Variants in ATRN observed in about 807,000 individuals in gnomAD.
ATRN encodes attractin-2.
Under a neutral mutation model 178.7 loss-of-function variants are expected in ATRN, and 54 were observed. The ratio of observed to expected loss-of-function variants is 0.30; its 90% CI spans 0.24 to 0.38. The LOEUF is 0.38. ATRN is among the 10% of genes least tolerant of loss of function. The probability of loss-of-function intolerance (pLI) is 1.00; values close to 1 mark genes in which losing one functional copy is unlikely to be tolerated. For synonymous variants in ATRN, 636 were observed against 663.0 expected (o/e 0.96, Z 0.63); for missense variants, 1,443 against 1,815.1 (o/e 0.79, Z 3.73).
chr20:3,623,924 T>C (rs1422355331), intron 24 of ATRN, among the ~76,000 whole-genome samples: 1 of 152,172 alleles, frequency 6.6e-6, no homozygotes, highest in Non-Finnish European at 1.5e-5. Flanking sequence ...TATTTTAGAG[T>C]TGATGAAATA....
rs748499185 is a variant in ATRN at position 3,584,079 on chromosome 20, C to G, written c.2946C>G (p.Cys982Trp). The G allele has an allele frequency of 6.2e-7, 1 of 1,613,402 alleles. No homozygotes were observed. The highest frequency in any genetic ancestry group is 8.5e-7 in the Non-Finnish European group (1 of 1,179,464). ...QCMEWYTMSTCPPENCSGYCT... is the reference protein window; with the variant it reads ...QCMEWYTMSTWPPENCSGYCT... The stretch of plus-strand genomic sequence containing the variant: ...TGGAATGGTATACGATGAGCACCTG[C>G]CCCCGTAAGTGAAAAAGGGAGCCCT... The change falls in exon 17 of 29, where the codon TGC becomes TGG. Residue 982 changes from cysteine (C) to tryptophan (W), a missense_variant. Cys to Trp is a radical substitution (Grantham distance 215). Coordinates refer to ENST00000262919, the MANE Select transcript of ATRN (RefSeq NM_139321.3).
intron 1 of ATRN, among the ~76,000 whole-genome samples, chr20:3,506,100 G>C (rs2085040208): frequency 6.6e-6 from 1 of 150,976 alleles, no homozygotes; most frequent in South Asian, 2.1e-4. Context: ...ACACAAATGA[G>C]TGCAAGTAAA....
intron 24 of ATRN, among the ~76,000 whole-genome samples, chr20:3,613,984 T>G (rs1009959388): frequency 3.9e-5 from 6 of 152,216 alleles, no homozygotes; most frequent in Non-Finnish European, 7.3e-5. Flanking sequence ...TCAAGTTCCT[T>G]CACTCTGAAC....
intron 21 of ATRN, among the ~76,000 whole-genome samples, chr20:3,597,568 T>G (rs945512097): frequency 2.0e-5 from 3 of 152,216 alleles, no homozygotes; most frequent in Non-Finnish European, 4.4e-5. Context: ...AGTACATCTT[T>G]TTGGTTAAAC....
At chr20:3,537,975 A>C (rs996662163) in intron 2 of ATRN, among the ~76,000 whole-genome samples, 14 of 130,258 alleles carry the variant, frequency 1.1e-4, no homozygotes, top group African/African-American at 3.8e-4. Flanking sequence ...TTTTTATTAT[A>C]CTTTAAGTTT....
At chr20:3,583,111 A>G (rs1380214174) in intron 16 of ATRN, among the ~76,000 whole-genome samples, 1 of 152,220 alleles carries the variant, frequency 6.6e-6, no homozygotes, top group Non-Finnish European at 1.5e-5. Context: ...GAGGTATAGG[A>G]GAGAATTCAT....
chr20:3,537,064 C>T (rs748455944), intron 2 of ATRN, among the ~76,000 whole-genome samples: 3 of 152,150 alleles, frequency 2.0e-5, no homozygotes, highest in Non-Finnish European at 4.4e-5. Context: ...AACAACAGGT[C>T]ATTGAATTAT....
intron 1 of ATRN, among the ~76,000 whole-genome samples, chr20:3,525,651 A>G (rs918993871): frequency 3.3e-5 from 5 of 152,254 alleles, no homozygotes; most frequent in African/African-American, 9.6e-5. Context: ...AGAATCCTCA[A>G]TAAAATACTG....
intron 1 of ATRN, among the ~76,000 whole-genome samples, chr20:3,523,121 C>T (rs2085318271): frequency 6.6e-6 from 1 of 151,740 alleles, no homozygotes; most frequent in South Asian, 2.1e-4. Context: ...CTCCTCCAAG[C>T]TAAAGAAGCA....
rs577725730 is a variant in ATRN at position 3,536,700 on chromosome 20, T to C, written c.494+1364T>C. 3.9e-5 allele frequency among the ~76,000 whole-genome samples: 6 copies of C among 152,360 alleles called. No homozygotes were observed. In the South Asian group the frequency reaches 1.2e-3, roughly 32 times the overall value. Reference sequence around the variant, plus strand: ...TGTTTTACATTTTTGCAAATCTCTTTAATGTGTAGCTTAATAAAAGACAGC... The same window carrying C: ...TGTTTTACATTTTTGCAAATCTCTTCAATGTGTAGCTTAATAAAAGACAGC... On this transcript the variant is annotated intron_variant, in intron 2 of 28. Coordinates refer to ENST00000262919, the MANE Select transcript of ATRN (RefSeq NM_139321.3).
intron 10 of ATRN, among the ~76,000 whole-genome samples, chr20:3,564,040 C>G (rs2085994507): frequency 6.6e-6 from 1 of 152,170 alleles, no homozygotes; most frequent in East Asian, 1.9e-4. Context: ...CCCATTTCTT[C>G]CTCCCCACAA....
chr20:3,571,871 G>A (rs952342715), intron 11 of ATRN, among the ~76,000 whole-genome samples: 5 of 151,292 alleles, frequency 3.3e-5, no homozygotes, highest in Non-Finnish European at 7.4e-5. Flanking sequence ...CCTACCTTCT[G>A]GATTTTAAGT....
chr20:3,554,891 T>G (rs915243189), intron 6 of ATRN, among the ~76,000 whole-genome samples: 2 of 150,864 alleles, frequency 1.3e-5, no homozygotes, highest in African/African-American at 4.9e-5. Context: ...AAAAAAATAG[T>G]AAGAAATCAG....
intron 1 of ATRN, among the ~76,000 whole-genome samples, chr20:3,501,880 G>T (rs371586342): frequency 6.6e-6 from 1 of 152,130 alleles, no homozygotes; most frequent in Non-Finnish European, 1.5e-5. Flanking sequence ...AAGAAGGGGC[G>T]CTGGAAAATA....
intron 24 of ATRN, among the ~76,000 whole-genome samples, chr20:3,606,935 C>T (rs1216170720): frequency 6.6e-6 from 1 of 152,162 alleles, no homozygotes; most frequent in Non-Finnish European, 1.5e-5. Flanking sequence ...TACTTGGTAG[C>T]TCTCTCCTGT....
chr20:3,613,863 A>T (rs929370850), intron 24 of ATRN, among the ~76,000 whole-genome samples: 11 of 152,136 alleles, frequency 7.2e-5, no homozygotes, highest in Admixed American at 1.3e-4. Context: ...TTTAAATGAG[A>T]TTTTAAAAAT....
Position 3,547,436 on chromosome 20 carries a change from G to C in ATRN, c.890G>C (p.Gly297Ala). ...CTDNCGFPHR[G>A]ICNSSDVRGC... ...GACAACTGTGGTTTTCCTCATCGAG[G>C]CATCTGCAATTCAAGTGATGTCAGA... Residue 297 changes from glycine to alanine, a missense_variant, in exon 5 of 29, where the codon GGC becomes GCC. This residue lies in a region of ATRN where 862 missense variants were observed against 972.1 expected (regional missense o/e 0.89). Coordinates refer to ENST00000262919, the MANE Select transcript of ATRN (RefSeq NM_139321.3). 6.2e-7 allele frequency: 1 copy of C among 1,614,172 alleles called. No individual in the cohort carries two copies. The highest frequency in any genetic ancestry group is 8.5e-7 in the Non-Finnish European group (1 of 1,180,004).
chr20:3,598,024 A>C (rs773726769), intron 22 of ATRN, 24 bp downstream of exon 22: 19 of 1,496,358 alleles, frequency 1.3e-5, no homozygotes, highest in Non-Finnish European at 1.7e-5. Context: ...AAGTCTTCCT[A>C]TTTTGTTTTG....
At chr20:3,597,208 G>GA (rs1365115891) in intron 21 of ATRN, among the ~76,000 whole-genome samples, 2 of 151,432 alleles carry the variant, frequency 1.3e-5, no homozygotes, top group East Asian at 1.9e-4. Context: ...AAACTTGTAG[G>GA]AAAAAACCAT....
Sources: allele counts gnomAD v4.1 joint callset (sites outside exome capture counted in the v4.1 genomes callset), GRCh38; gene constraint gnomAD v4.1.1; regional missense constraint gnomAD v4.1.1; transcripts MANE v1.5; gene names NCBI Gene and HGNC (gene_info 2026-07-23, HGNC 2026-07-21).